The following PHACTR2 variants were observed in gnomAD, a reference collection of about 807,000 sequenced individuals.
PHACTR2 encodes the protein chromosome 6 open reading frame 56.
A neutral mutation model predicts 76.0 loss-of-function variants in PHACTR2; 30 were observed. That is an observed-to-expected ratio of 0.39 (90% CI 0.30 to 0.54). PHACTR2 has a LOEUF of 0.54. PHACTR2 is among the 20% of genes least tolerant of loss of function. The probability of loss-of-function intolerance (pLI) is 0.61; values close to 1 mark genes in which losing one functional copy is unlikely to be tolerated. For missense variants in PHACTR2, 696 were observed against 781.1 expected (o/e 0.89, Z 1.30); for synonymous variants, 292 against 292.5 (o/e 1.00, Z 0.02).
chr6:143,650,379 C>G (rs149754013), intron 1 of PHACTR2, among the ~76,000 whole-genome samples: 26 of 152,038 alleles, frequency 1.7e-4, no homozygotes, highest in Non-Finnish European at 3.4e-4. Context: ...CCCAAATAGC[C>G]GAGGCAATCC....
chr6:143,631,730 A>AC (rs1310408799), intron 1 of PHACTR2, among the ~76,000 whole-genome samples: 2 of 152,274 alleles, frequency 1.3e-5, no homozygotes, highest in East Asian at 3.9e-4. Context: ...GGTCCTGGGA[A>AC]CCCTGTGCAC....
chr6:143,779,932 A>ATAT (rs981829328), intron 9 of PHACTR2, among the ~76,000 whole-genome samples: 1 of 147,192 alleles, frequency 6.8e-6, no homozygotes, highest in African/African-American at 2.5e-5. Context: ...ATATTATATT[A>ATAT]TATTATATTA....
At position 143,684,675 on chromosome 6, in the gene PHACTR2, T is replaced by C. The variant is rs1006604001; in HGVS notation, c.46+6466T>C. 6.6e-6 allele frequency among the ~76,000 whole-genome samples: 1 copy of C among 152,240 alleles called. No homozygotes were observed. Among genetic ancestry groups the C allele is most frequent in the Non-Finnish European group, 1.5e-5 (1 of 68,040 alleles). ...CACCACTGAATATCAGGGTCACTCT[T>C]AGCCCATAGCCTCGTGAGAATTAGA... On this transcript the variant is annotated intron_variant, in intron 1 of 12. Transcript: ENST00000440869. The surrounding 1 kb of genome is among the most constrained non-coding windows in gnomAD (Gnocchi z 4.3).
intron 1 of PHACTR2, among the ~76,000 whole-genome samples, chr6:143,574,446 G>A (rs1389938073): frequency 6.6e-6 from 1 of 152,130 alleles, no homozygotes; most frequent in Non-Finnish European, 1.5e-5. Flanking sequence ...TGTTCAAAGA[G>A]TTTTCTTTAA....
chr6:143,609,143 T>C (rs1380319847), intron 1 of PHACTR2, among the ~76,000 whole-genome samples: 8 of 152,190 alleles, frequency 5.3e-5, no homozygotes, highest in African/African-American at 1.9e-4. Context: ...ATGCTTCCCA[T>C]GCCTTGAGAC....
intron 1 of PHACTR2, chr6:143,711,095 G>C (rs1460653462): frequency 1.9e-6 from 1 of 512,880 alleles, no homozygotes; most frequent in Admixed American, 2.0e-5. Flanking sequence ...ATGAGTTTTG[G>C]GTAATCCAAC....
rs1435450773 is a variant in PHACTR2 at position 143,617,098 on chromosome 6, C to T, written c.13+8776C>T. ...TGGAAAGAAGTAAGAGTGGAAGCTC[C>T]TAAGAATGAAATCCACTTAGAAGGC... On this transcript the variant is annotated intron_variant, in intron 1 of 11. Coordinates refer to the PHACTR2 transcript ENST00000305766. This position sits in a 1 kb window ranked among gnomAD's most constrained non-coding sequence, Gnocchi z 4.8. Among the ~76,000 whole-genome samples, 1 of 152,156 alleles carries T rather than the reference C, an allele frequency of 6.6e-6. No homozygotes were observed. Among genetic ancestry groups the T allele is most frequent in the Non-Finnish European group, 1.5e-5 (1 of 68,028 alleles).
rs2128484843 is a variant in PHACTR2, at chr6:143,811,607, C to A, written c.1922+4474C>A. Among the ~76,000 whole-genome samples, 1 of 152,112 alleles carries A rather than the reference C, an allele frequency of 6.6e-6. No individual in the cohort carries two copies. The highest frequency in any genetic ancestry group is 2.1e-4 in the South Asian group (1 of 4,824). ...TCCAGATAAGGAAAAATTAAATATT[C>A]ATATCACCAAAATAAATATGCCTTG... On this transcript the variant is annotated intron_variant, in intron 12 of 12. Coordinates refer to ENST00000440869, the MANE Select transcript of PHACTR2 (RefSeq NM_001100164.2). This position sits in a 1 kb window ranked among gnomAD's most constrained non-coding sequence, Gnocchi z 4.1.
chr6:143,776,894 G>C lies in PHACTR2; in HGVS notation c.1590-434G>C, dbSNP rs1775292878. ...AGATGGTCTCAGCTGCATGATCAAA[G>C]CTGGCTCACACCATCATGCTGAAGT... On this transcript the variant is annotated intron_variant, in intron 8 of 12. Transcript: ENST00000440869. The surrounding 1 kb of genome is among the most constrained non-coding windows in gnomAD (Gnocchi z 5.3). Among the ~76,000 whole-genome samples the C allele has an allele frequency of 6.6e-6, 1 of 152,198 alleles. No individual in the cohort carries two copies. The highest frequency in any genetic ancestry group is 1.5e-5 in the Non-Finnish European group (1 of 68,036).
chr6:143,651,233 C>T (rs1262208009), intron 1 of PHACTR2, among the ~76,000 whole-genome samples: 1 of 152,142 alleles, frequency 6.6e-6, no homozygotes, highest in East Asian at 1.9e-4. Context: ...CACTCTTACA[C>T]TCTTGGTGGG....
At chr6:143,808,165 T>C (rs1776104415) in intron 12 of PHACTR2, among the ~76,000 whole-genome samples, 1 of 150,750 alleles carries the variant, frequency 6.6e-6, no homozygotes, top group Admixed American at 6.6e-5. Flanking sequence ...AGTCTTGCTC[T>C]GTCACCCAGG....
At chr6:143,568,557 C>A (rs567758336) in intron 1 of PHACTR2, among the ~76,000 whole-genome samples, 1 of 152,242 alleles carries the variant, frequency 6.6e-6, no homozygotes, top group South Asian at 2.1e-4. Flanking sequence ...CACATATAAG[C>A]AAGAGGAATC....
intron 1 of PHACTR2, among the ~76,000 whole-genome samples, chr6:143,704,486 C>A (rs1373585864): frequency 6.6e-6 from 1 of 152,154 alleles, no homozygotes; most frequent in Non-Finnish European, 1.5e-5. Context: ...AGAAAAAAAT[C>A]TTTATCCTCA....
In PHACTR2 at chr6:143,806,441, C is replaced by T. The variant is rs1776066584; in HGVS notation, c.1846-616C>T. 6.6e-6 allele frequency among the ~76,000 whole-genome samples: 1 copy of T among 152,170 alleles called. No individual in the cohort carries two copies. ...GTTGTAGGCAATATTCTATGTAGAACTTTCCATAGGAAAATGGTATTGCTT... is the reference window on the plus strand; with the variant it reads ...GTTGTAGGCAATATTCTATGTAGAATTTTCCATAGGAAAATGGTATTGCTT... On this transcript the variant is annotated intron_variant, in intron 11 of 12. Transcript: ENST00000440869. This position sits in a 1 kb window ranked among gnomAD's most constrained non-coding sequence, Gnocchi z 5.8.
chr6:143,639,060 A>G lies in PHACTR2; in HGVS notation c.13+30738A>G, dbSNP rs1776519116. On this transcript the variant is annotated intron_variant, in intron 1 of 11. Transcript: ENST00000305766. This position sits in a 1 kb window ranked among gnomAD's most constrained non-coding sequence, Gnocchi z 5.0. ...AATAAAATTATTCAGTGTAGCATCAAAAGCCTCAGCCAAGGGCTGATAAAG... is the reference window on the plus strand; with the variant it reads ...AATAAAATTATTCAGTGTAGCATCAGAAGCCTCAGCCAAGGGCTGATAAAG... Among the ~76,000 whole-genome samples the G allele has an allele frequency of 6.6e-6, 1 of 152,266 alleles. No homozygotes were observed. The highest frequency in any genetic ancestry group is 1.5e-5 in the Non-Finnish European group (1 of 68,048).
rs1775388181 is a variant in PHACTR2 at position 143,780,006 on chromosome 6, T to C, written c.1645+2623T>C. 1.3e-5 allele frequency among the ~76,000 whole-genome samples: 2 copies of C among 150,838 alleles called. No individual in the cohort carries two copies. The highest frequency in any genetic ancestry group is 2.1e-4 in the South Asian group (1 of 4,810). On this transcript the variant is annotated intron_variant, in intron 9 of 12. Transcript: ENST00000440869. The surrounding 1 kb of genome is among the most constrained non-coding windows in gnomAD (Gnocchi z 4.4). ...AAACTGATAAAATAGAAAGCAACTT[T>C]TGGTACTTAAAAGTTCAACTTTTGC...
rs1775739203 is a variant in PHACTR2 at position 143,595,562 on chromosome 6, T to G, written c.217+58355T>G. The stretch of plus-strand genomic sequence containing the variant: ...ACAGAGCAAGCTATAAGGTGTGTCT[T>G]GAGAAACTGATGCTCACTTGAAGTT... On this transcript the variant is annotated intron_variant, in intron 1 of 11. Coordinates refer to the PHACTR2 transcript ENST00000367584. This position sits in a 1 kb window ranked among gnomAD's most constrained non-coding sequence, Gnocchi z 4.2. 6.6e-6 allele frequency among the ~76,000 whole-genome samples: 1 copy of G among 152,200 alleles called. No homozygotes were observed. The highest frequency in any genetic ancestry group is 2.1e-4 in the South Asian group (1 of 4,834).
upstream of PHACTR2, among the ~76,000 whole-genome samples, chr6:143,605,600 C>G (rs1228763248): frequency 1.3e-5 from 2 of 152,126 alleles, no homozygotes; most frequent in African/African-American, 4.8e-5. The surrounding 1 kb of genome is among the most constrained non-coding windows in gnomAD (Gnocchi z 5.0). Flanking sequence ...AATTGGGAAG[C>G]AGTTAGGTCC....
rs970275392 is a variant in PHACTR2, at chr6:143,689,610, C to T, written c.46+11401C>T. Among the ~76,000 whole-genome samples, 2 of 152,054 alleles carry T rather than the reference C, an allele frequency of 1.3e-5. No homozygotes were observed. Among genetic ancestry groups the T allele is most frequent in the Admixed American group, 1.3e-4 (2 of 15,266 alleles). ...ACCGAACACGTAGTTCTCTTTTTTACCCTACCCCAACCCCTGCCTCTCCCC... is the reference window on the plus strand; with the variant it reads ...ACCGAACACGTAGTTCTCTTTTTTATCCTACCCCAACCCCTGCCTCTCCCC... On this transcript the variant is annotated intron_variant, in intron 1 of 12. Coordinates refer to ENST00000440869, the MANE Select transcript of PHACTR2 (RefSeq NM_001100164.2). This position sits in a 1 kb window ranked among gnomAD's most constrained non-coding sequence, Gnocchi z 4.4.
Sources: gnomAD v4.1 joint callset for allele counts (sites outside exome capture counted in the v4.1 genomes callset) on GRCh38, gnomAD v4.1.1 for gene constraint, Gnocchi (gnomAD v3.1) non-coding constraint, MANE v1.5 for transcripts, NCBI Gene and HGNC (gene_info 2026-07-23, HGNC 2026-07-21) for gene names.